Variants in ARHGAP10 observed in about 807,000 individuals in gnomAD.
ARHGAP10 encodes the protein Rho GTPase activating protein 10.
A neutral mutation model predicts 108.6 loss-of-function variants in ARHGAP10; 87 were observed. The ratio of observed to expected loss-of-function variants is 0.80; its 90% CI spans 0.67 to 0.96. ARHGAP10 has a LOEUF of 0.96. ARHGAP10 is among the 40% of genes least tolerant of loss of function. The pLI, the probability that ARHGAP10 is intolerant of heterozygous loss-of-function variation, is 0.00. For missense variants in ARHGAP10, 939 were observed against 954.5 expected (o/e 0.98, Z 0.21); for synonymous variants, 347 against 341.1 (o/e 1.02, Z -0.19).
At chr4:148,057,879 C>A (rs897432380) in intron 20 of ARHGAP10, among the ~76,000 whole-genome samples, 1 of 152,220 alleles carries the variant, frequency 6.6e-6, no homozygotes, top group African/African-American at 2.4e-5. Context: ...AGTCCTCAGA[C>A]TGTAAATGAT....
intron 18 of ARHGAP10, among the ~76,000 whole-genome samples, chr4:148,007,236 A>G (rs1345779206): frequency 2.0e-5 from 3 of 152,218 alleles, no homozygotes; most frequent in African/African-American, 4.8e-5. Context: ...TCTTTCGGAA[A>G]GAGATAATCA....
chr4:148,012,837 G>A (rs1236248444), intron 18 of ARHGAP10, among the ~76,000 whole-genome samples: 3 of 150,584 alleles, frequency 2.0e-5, no homozygotes, highest in African/African-American at 4.9e-5. Flanking sequence ...ATGACAAAAT[G>A]TTTTAAGAAA....
At chr4:147,776,853 CA>C (rs1730310435) in intron 1 of ARHGAP10, among the ~76,000 whole-genome samples, 3 of 152,158 alleles carry the variant, frequency 2.0e-5, no homozygotes, top group African/African-American at 7.2e-5. Context: ...GCAGTTCGTC[CA>C]GATGCTGTGA....
At chr4:147,761,838 C>T (rs1458297173) in intron 1 of ARHGAP10, among the ~76,000 whole-genome samples, 3 of 152,210 alleles carry the variant, frequency 2.0e-5, no homozygotes, top group African/African-American at 4.8e-5. Context: ...CTAGGAAAAA[C>T]GAAGGAGAAA....
intron 3 of ARHGAP10, among the ~76,000 whole-genome samples, chr4:147,838,110 A>G (rs1187880949): frequency 6.6e-6 from 1 of 152,164 alleles, no homozygotes; most frequent in Non-Finnish European, 1.5e-5. Flanking sequence ...AATTTGTCCC[A>G]GCTCTTGGCA....
chr4:148,023,559 T>C, intron 19 of ARHGAP10, 146 bp downstream of exon 19: 1 of 984,444 alleles, frequency 1.0e-6, no homozygotes. Context: ...ACAGGGAGGG[T>C]GAAGCTTTTT....
rs569019787 is a variant in ARHGAP10 at position 147,772,618 on chromosome 4, C to T, written c.154+40163C>T. ...AAGGCATTAGCAATCATCTGTCGCC[C>T]AGGGAATTCCAAACAAAAACAGATG... On this transcript the variant is annotated intron_variant, in intron 1 of 22. Transcript: ENST00000336498. Among the ~76,000 whole-genome samples the T allele has an allele frequency of 2.6e-5, 4 of 152,292 alleles. No individual in the cohort carries two copies. In the South Asian group the frequency reaches 6.2e-4, roughly 24 times the overall value.
At chr4:148,041,947 C>T (rs1176782859) in intron 19 of ARHGAP10, among the ~76,000 whole-genome samples, 2 of 152,234 alleles carry the variant, frequency 1.3e-5, no homozygotes, top group African/African-American at 4.8e-5. Flanking sequence ...TCCTTGCTCT[C>T]TCCATCCAGT....
At chr4:147,758,861 C>T (rs1161695884) in intron 1 of ARHGAP10, among the ~76,000 whole-genome samples, 1 of 151,486 alleles carries the variant, frequency 6.6e-6, no homozygotes, top group Non-Finnish European at 1.5e-5. Flanking sequence ...TGCCTGTAGT[C>T]CCAGCTACTT....
chr4:147,991,321 C>G (rs1034173499), intron 18 of ARHGAP10, among the ~76,000 whole-genome samples: 11 of 152,070 alleles, frequency 7.2e-5, no homozygotes, highest in Non-Finnish European at 1.6e-4. Flanking sequence ...GAAGGCAGCC[C>G]TGTAGTGAGA....
chr4:148,041,771 G>A (rs1216366555), intron 19 of ARHGAP10, among the ~76,000 whole-genome samples: 3 of 152,092 alleles, frequency 2.0e-5, no homozygotes, highest in African/African-American at 7.2e-5. Context: ...GACCAATTGT[G>A]GTCAGTTTTT....
chr4:147,885,541 CA>C (rs1735512259), intron 10 of ARHGAP10, among the ~76,000 whole-genome samples: 1 of 152,140 alleles, frequency 6.6e-6, no homozygotes, highest in Admixed American at 6.5e-5. Context: ...GGGACACAGC[CA>C]AACCATATCA....
At chr4:148,047,830 C>CT (rs1035720537) in intron 20 of ARHGAP10, among the ~76,000 whole-genome samples, 10 of 150,660 alleles carry the variant, frequency 6.6e-5, no homozygotes, top group Non-Finnish European at 4.4e-5. Context: ...CTTTTTTTTT[C>CT]TTTTTTTTAA....
intron 1 of ARHGAP10, among the ~76,000 whole-genome samples, chr4:147,775,875 C>A (rs956913304): frequency 6.6e-6 from 1 of 152,096 alleles, no homozygotes; most frequent in Non-Finnish European, 1.5e-5. Flanking sequence ...CAGATATTGT[C>A]ATGAGATATA....
chr4:148,068,749 G>A (rs1010124366), intron 22 of ARHGAP10, among the ~76,000 whole-genome samples: 1 of 152,216 alleles, frequency 6.6e-6, no homozygotes, highest in Non-Finnish European at 1.5e-5. Context: ...TGGCAGTTCT[G>A]AAGTTGAGTG....
At chr4:147,917,863 C>T (rs1448869237) in intron 13 of ARHGAP10, among the ~76,000 whole-genome samples, 3 of 151,918 alleles carry the variant, frequency 2.0e-5, no homozygotes, top group African/African-American at 7.3e-5. Context: ...TTTATTAAAC[C>T]AGTCCTTTAT....
At chr4:147,897,149 T>G (rs1462128530) in intron 10 of ARHGAP10, among the ~76,000 whole-genome samples, 1 of 151,964 alleles carries the variant, frequency 6.6e-6, no homozygotes, top group Non-Finnish European at 1.5e-5. Context: ...ATCTGATTCT[T>G]TATGTTTAAA....
At position 147,732,281 on chromosome 4, in the gene ARHGAP10, C is replaced by G. The variant is rs766465653; in HGVS notation, c.-21C>G. The stretch of plus-strand genomic sequence containing the variant: ...GGCAGGAGCGCGCGGCCGTGCGCAC[C>G]GCGCAGCGACCGCTGCCGTCATGGG... On this transcript the variant is annotated 5_prime_UTR_variant, in exon 1 of 23. Transcript: ENST00000336498. 4.3e-5 allele frequency: 68 copies of G among 1,584,226 alleles called. No homozygotes were observed. In the South Asian group the frequency reaches 6.6e-4, roughly 15 times the overall value.
chr4:148,039,756 G>A (rs775732002), intron 19 of ARHGAP10, among the ~76,000 whole-genome samples: 18 of 151,932 alleles, frequency 1.2e-4, no homozygotes, highest in Middle Eastern at 3.4e-3. Flanking sequence ...TATGTCTTAC[G>A]TGCAGGATTT....
Sources: allele counts gnomAD v4.1 joint callset (sites outside exome capture counted in the v4.1 genomes callset), GRCh38; gene constraint gnomAD v4.1.1; transcripts MANE v1.5; gene names NCBI Gene and HGNC (gene_info 2026-07-23, HGNC 2026-07-21).